The following MCTP2 variants were observed in gnomAD, a reference collection of about 807,000 sequenced individuals.
The protein encoded by MCTP2 is multiple C2 and transmembrane domain containing 2.
MCTP2 carries 132 observed loss-of-function variants against 111.6 expected under a neutral mutation model. That is an observed-to-expected ratio of 1.18 (90% CI 1.03 to 1.37). MCTP2 has a LOEUF of 1.37. Among genes scored for constraint, MCTP2 ranks in the 40% most tolerant of loss-of-function variants. MCTP2 has a pLI of 0.00. For synonymous variants in MCTP2, 395 were observed against 387.7 expected (o/e 1.02, Z -0.22); for missense variants, 1,183 against 1,067.9 (o/e 1.11, Z -1.50).
At chr15:94,419,173 A>G (rs552765363) in intron 17 of MCTP2, among the ~76,000 whole-genome samples, 7 of 152,254 alleles carry the variant, frequency 4.6e-5, no homozygotes, top group African/African-American at 1.7e-4. Flanking sequence ...ATGGGGTTAT[A>G]CCCACACCAA....
rs1470519054 is a variant in MCTP2, at chr15:94,482,021, A to C, written c.*2987A>C. 2 of 152,202 alleles carry C rather than the reference A, an allele frequency of 1.3e-5. No individual in the cohort carries two copies. The highest frequency in any genetic ancestry group is 2.9e-5 in the Non-Finnish European group (2 of 68,030). 9.4% of individuals were successfully genotyped at this position (152,202 alleles called of 1,614,324 possible). A position where few individuals can be genotyped will look rare whatever the true frequency, so the allele number is the denominator to read the frequency against. On this transcript the variant is annotated 3_prime_UTR_variant, in exon 23 of 23. Coordinates refer to ENST00000357742, the MANE Select transcript of MCTP2 (RefSeq NM_001385001.1). ...TCTTATATTTGAAGTTCTTACCTAC[A>C]TATCAGAGGAAAATATAATGTTTAT...
At chr15:94,469,400 T>TGTGAAAATAATACATA (rs1367129321) in intron 20 of MCTP2, among the ~76,000 whole-genome samples, 3 of 152,386 alleles carry the variant, frequency 2.0e-5, no homozygotes, top group Admixed American at 2.0e-4. Flanking sequence ...CCAGGAGCTC[T>TGTGAAAATAATACATA]GTGAAAATAA....
At chr15:94,439,327 T>G (rs1329550335) in intron 17 of MCTP2, among the ~76,000 whole-genome samples, 1 of 152,190 alleles carries the variant, frequency 6.6e-6, no homozygotes, top group Non-Finnish European at 1.5e-5. Flanking sequence ...TAGCAGTGGT[T>G]TTTTTCAAGC....
At chr15:94,454,923 C>T (rs1282913747) in intron 19 of MCTP2, among the ~76,000 whole-genome samples, 6 of 152,104 alleles carry the variant, frequency 3.9e-5, no homozygotes, top group South Asian at 2.1e-4. Context: ...CAGGTTCAAG[C>T]GATTCTCCTG....
chr15:94,359,387 A>G (rs957277453), intron 10 of MCTP2, among the ~76,000 whole-genome samples: 5 of 152,226 alleles, frequency 3.3e-5, no homozygotes, highest in Non-Finnish European at 7.3e-5. Context: ...TTTCTCCATC[A>G]AATCACTTGC....
chr15:94,409,196 A>G (rs970076624), intron 17 of MCTP2, among the ~76,000 whole-genome samples: 8 of 152,124 alleles, frequency 5.3e-5, no homozygotes, highest in Admixed American at 2.0e-4. Context: ...AAGCAGGCAG[A>G]AAAATGTGAA....
intron 14 of MCTP2, among the ~76,000 whole-genome samples, chr15:94,387,134 C>G (rs2080542785): frequency 6.6e-6 from 1 of 151,676 alleles, no homozygotes; most frequent in African/African-American, 2.4e-5. Context: ...TTCCTCCTTC[C>G]TCCTTCCCCC....
At chr15:94,461,236 G>C (rs1240548463) in intron 20 of MCTP2, among the ~76,000 whole-genome samples, 1 of 152,170 alleles carries the variant, frequency 6.6e-6, no homozygotes, top group Non-Finnish European at 1.5e-5. Flanking sequence ...GAGGTGGGCG[G>C]ATCACCTGAG....
At chr15:94,420,195 A>G (rs1478059998) in intron 17 of MCTP2, among the ~76,000 whole-genome samples, 1 of 152,142 alleles carries the variant, frequency 6.6e-6, no homozygotes, top group African/African-American at 2.4e-5. Context: ...CACTGTTGAG[A>G]TCTACTTCTC....
rs538437560 is a variant in MCTP2 at position 94,413,115 on chromosome 15, A to G, written c.2085+11096A>G. ...AAGAAAAATAACAAATAGCTTGGCA[A>G]TCGCTTGAGTTTACTTAAAGATAGT... is the stretch of plus-strand genomic sequence containing the variant. On this transcript the variant is annotated intron_variant, in intron 17 of 22. Coordinates refer to ENST00000357742, the MANE Select transcript of MCTP2 (RefSeq NM_001385001.1). 5.3e-5 allele frequency among the ~76,000 whole-genome samples: 8 copies of G among 152,328 alleles called. No individual in the cohort carries two copies. The South Asian group carries it at 1.7e-3, about 32-fold the overall frequency.
intron 10 of MCTP2, among the ~76,000 whole-genome samples, chr15:94,362,675 CT>C (rs1163706322): frequency 6.6e-6 from 1 of 152,188 alleles, no homozygotes; most frequent in Non-Finnish European, 1.5e-5. Flanking sequence ...CTCTAGCACT[CT>C]TTTCTGCCCC....
chr15:94,295,133 A>G (rs1213846039), intron 1 of MCTP2, among the ~76,000 whole-genome samples: 4 of 151,784 alleles, frequency 2.6e-5, no homozygotes, highest in Non-Finnish European at 5.9e-5. Context: ...TATTTTTAGT[A>G]GAGATGGGAT....
intron 14 of MCTP2, among the ~76,000 whole-genome samples, chr15:94,390,680 G>T (rs1320790778): frequency 6.6e-6 from 1 of 150,712 alleles, no homozygotes; most frequent in Non-Finnish European, 1.5e-5. Flanking sequence ...TAACAAATAA[G>T]AAGTCATCTG....
intron 1 of MCTP2, among the ~76,000 whole-genome samples, chr15:94,244,701 CAT>C (rs1390573027): frequency 3.4e-5 from 5 of 148,848 alleles, no homozygotes; most frequent in Admixed American, 3.3e-4. Context: ...TATGTATACA[CAT>C]ACATATGCAC....
At chr15:94,261,988 T>C (rs75375206) in intron 1 of MCTP2, among the ~76,000 whole-genome samples, 1,733 of 152,332 alleles carry the variant, frequency 0.011, 39 homozygotes, top group African/African-American at 0.04. Context: ...GCAATTAATC[T>C]AATTAGACAA....
At chr15:94,337,700 C>T (rs529830027) in intron 4 of MCTP2, among the ~76,000 whole-genome samples, 3 of 152,244 alleles carry the variant, frequency 2.0e-5, no homozygotes, top group Admixed American at 6.5e-5. Context: ...CGCATGCACG[C>T]GCGTGTGCAT....
chr15:94,452,983 C>T (rs984125461), intron 19 of MCTP2, among the ~76,000 whole-genome samples: 2 of 152,074 alleles, frequency 1.3e-5, no homozygotes, highest in Non-Finnish European at 2.9e-5. Context: ...TTCTCCCTGT[C>T]TAGAAGATAC....
At chr15:94,445,224 T>A (rs2084048213) in intron 19 of MCTP2, among the ~76,000 whole-genome samples, 1 of 152,196 alleles carries the variant, frequency 6.6e-6, no homozygotes, top group Non-Finnish European at 1.5e-5. Context: ...TGTCCCAAGT[T>A]GAGGGTGCTG....
intron 20 of MCTP2, among the ~76,000 whole-genome samples, chr15:94,469,318 A>G (rs930402264): frequency 3.1e-4 from 47 of 152,154 alleles, no homozygotes; most frequent in African/African-American, 1.1e-3. Flanking sequence ...CAATATATCC[A>G]AGTCCATGTC....
Sources: allele counts gnomAD v4.1 joint callset (sites outside exome capture counted in the v4.1 genomes callset), GRCh38; gene constraint gnomAD v4.1.1; transcripts MANE v1.5; gene names NCBI Gene and HGNC (gene_info 2026-07-23, HGNC 2026-07-21).